The following ASIC5 variants were observed in gnomAD, a reference collection of about 807,000 sequenced individuals.
ASIC5 encodes the protein acid sensing ion channel subunit family member 5, also known as bile acid-sensitive ion channel.
A neutral mutation model predicts 51.2 loss-of-function variants in ASIC5; 52 were observed. That is an observed-to-expected ratio of 1.02 (90% CI 0.81 to 1.28). The LOEUF is 1.28. Ranked by LOEUF, ASIC5 falls within the 50% of genes most tolerant of loss-of-function variation. The pLI is 0.00. For synonymous variants in ASIC5, 231 were observed against 200.7 expected (o/e 1.15, Z -1.28); for missense variants, 635 against 595.0 (o/e 1.07, Z -0.70).
intron 5 of ASIC5, among the ~76,000 whole-genome samples, chr4:155,843,030 G>C (rs1157942100): frequency 6.6e-6 from 1 of 152,020 alleles, no homozygotes; most frequent in African/African-American, 2.4e-5. Context: ...CAATGTGCAG[G>C]TGGGCATTTT....
intron 2 of ASIC5, among the ~76,000 whole-genome samples, chr4:155,861,704 T>A (rs1256340500): frequency 1.3e-5 from 2 of 152,110 alleles, no homozygotes; most frequent in African/African-American, 4.8e-5. Flanking sequence ...GCATCTGCCG[T>A]TTTACTTTTT....
rs111620707 is a variant in ASIC5 at position 155,854,071 on chromosome 4, C to A, written c.585+6G>T. ...TGATTATATTTGAAGAATAGAAAAT[C>A]GTTACCTTTGGGCTACATGGCTTTC... On this transcript the variant is annotated splice_donor_region_variant and intron_variant, in intron 3 of 9. Transcript: ENST00000537611. 1 of 1,584,050 alleles carries A rather than the reference C, an allele frequency of 6.3e-7. No homozygotes were observed. The highest frequency in any genetic ancestry group is 1.1e-5 in the South Asian group (1 of 89,670).
At chr4:155,845,566 A>G (rs570589527) in intron 4 of ASIC5, among the ~76,000 whole-genome samples, 22 of 152,104 alleles carry the variant, frequency 1.4e-4, no homozygotes, top group Non-Finnish European at 2.6e-4. Flanking sequence ...CTCTGAAAGC[A>G]TCACAGGGTC....
At chr4:155,860,111 T>A (rs1024282113) in intron 2 of ASIC5, among the ~76,000 whole-genome samples, 1 of 152,042 alleles carries the variant, frequency 6.6e-6, no homozygotes, top group Non-Finnish European at 1.5e-5. Flanking sequence ...TATTTGAATA[T>A]AATCCACAGA....
intron 7 of ASIC5, among the ~76,000 whole-genome samples, chr4:155,837,425 G>T (rs562028286): frequency 6.6e-6 from 1 of 152,136 alleles, no homozygotes; most frequent in Non-Finnish European, 1.5e-5. Flanking sequence ...CAACCAGGCT[G>T]TCCATGCAAA....
chr4:155,836,360 T>C (rs1000619009), intron 8 of ASIC5, among the ~76,000 whole-genome samples: 1 of 152,216 alleles, frequency 6.6e-6, no homozygotes, highest in African/African-American at 2.4e-5. Context: ...TCAAAGTGTA[T>C]AATGTACAGG....
At chr4:155,857,569 T>G (rs757535176) in intron 2 of ASIC5, among the ~76,000 whole-genome samples, 7 of 152,248 alleles carry the variant, frequency 4.6e-5, no homozygotes, top group Non-Finnish European at 1.0e-4. Context: ...ATTAATTTGT[T>G]TAAACAATTT....
At chr4:155,841,534 C>T (rs937607863) in intron 6 of ASIC5, among the ~76,000 whole-genome samples, 2 of 152,146 alleles carry the variant, frequency 1.3e-5, no homozygotes, top group African/African-American at 4.8e-5. Flanking sequence ...TGCTCCATTG[C>T]TTCCTTGAAT....
chr4:155,852,510 G>A (rs1003917825), intron 3 of ASIC5, among the ~76,000 whole-genome samples, 194 bp from the exon 4 acceptor site: 1 of 149,758 alleles, frequency 6.7e-6, no homozygotes, highest in Admixed American at 6.7e-5. Flanking sequence ...CAATTTGCAT[G>A]TGATTATTTA....
intron 4 of ASIC5, among the ~76,000 whole-genome samples, chr4:155,847,264 A>G (rs921133873): frequency 7.2e-5 from 11 of 152,118 alleles, no homozygotes; most frequent in African/African-American, 2.4e-4. Context: ...TAAGGTTATT[A>G]CATCCATGTA....
chr4:155,838,737 G>A, intron 7 of ASIC5, 76 bp downstream of exon 7: 3 of 863,878 alleles, frequency 3.5e-6, no homozygotes, highest in Admixed American at 2.2e-5. Context: ...GCTATCCATA[G>A]TTTGACTTAA....
At chr4:155,842,384 A>G in intron 5 of ASIC5, 30 bp from the exon 6 acceptor site, 1 of 1,561,196 alleles carries the variant, frequency 6.4e-7, no homozygotes. Context: ...TGGGTTCAGG[A>G]GATGTGTTTA....
At chr4:155,842,816 G>T (rs369220700) in intron 5 of ASIC5, among the ~76,000 whole-genome samples, 2 of 151,884 alleles carry the variant, frequency 1.3e-5, no homozygotes, top group African/African-American at 4.8e-5. Context: ...TGAGGCTCGC[G>T]GGCAAATAGA....
chr4:155,835,385 C>T (rs1740954170), intron 8 of ASIC5, among the ~76,000 whole-genome samples: 2 of 147,776 alleles, frequency 1.4e-5, no homozygotes, highest in South Asian at 4.3e-4. Flanking sequence ...AGAGAATTCT[C>T]CCGTTTCAAG....
chr4:155,836,332 G>T (rs544026899), intron 8 of ASIC5, among the ~76,000 whole-genome samples: 2 of 152,064 alleles, frequency 1.3e-5, no homozygotes, highest in Non-Finnish European at 2.9e-5. Flanking sequence ...CATCTACCTT[G>T]TACAGTTATT....
At chr4:155,846,979 C>T (rs7662561) in intron 4 of ASIC5, among the ~76,000 whole-genome samples, 138,073 of 152,110 alleles carry the variant, frequency 0.91, 62,735 homozygotes, top group East Asian at 0.93. Flanking sequence ...GTAAAGAAAG[C>T]TATAAAAATA....
intron 6 of ASIC5, among the ~76,000 whole-genome samples, chr4:155,841,007 C>T (rs1399356506): frequency 2.0e-5 from 3 of 152,028 alleles, no homozygotes; most frequent in African/African-American, 4.8e-5. Flanking sequence ...CCAATCAGAA[C>T]CCCTGATTCA....
intron 8 of ASIC5, among the ~76,000 whole-genome samples, chr4:155,833,005 C>T (rs1398498235): frequency 2.0e-5 from 3 of 152,172 alleles, no homozygotes; most frequent in African/African-American, 7.2e-5. Context: ...GCCACTCTCT[C>T]ACAGCACTTA....
At chr4:155,839,348 TACACACACACACAC>T (rs60209135) in intron 6 of ASIC5, among the ~76,000 whole-genome samples, 1 of 147,336 alleles carries the variant, frequency 6.8e-6, no homozygotes, top group Non-Finnish European at 1.5e-5. Flanking sequence ...TCTATCCATT[TACACACACACACAC>T]ACACACACAC....
Sources: allele counts gnomAD v4.1 joint callset (sites outside exome capture counted in the v4.1 genomes callset), GRCh38; gene constraint gnomAD v4.1.1; transcripts MANE v1.5; gene names NCBI Gene and HGNC (gene_info 2026-07-23, HGNC 2026-07-21).